Variants in SHISA6 observed in about 807,000 individuals in gnomAD.
The protein encoded by SHISA6 is protein shisa-6.
SHISA6 carries 22 observed loss-of-function variants against 47.9 expected under a neutral mutation model. That is an observed-to-expected ratio of 0.46 (90% CI 0.33 to 0.66). SHISA6 has a LOEUF of 0.66. Among genes scored for constraint, SHISA6 ranks in the 30% least tolerant of loss-of-function variants. The pLI is 0.02. For synonymous variants in SHISA6, 388 were observed against 337.8 expected (o/e 1.15, Z -1.63); for missense variants, 680 against 764.6 (o/e 0.89, Z 1.30).
intron 3 of SHISA6, among the ~76,000 whole-genome samples, chr17:11,451,118 C>T (rs1915389166): frequency 6.6e-6 from 1 of 151,996 alleles, no homozygotes; most frequent in South Asian, 2.1e-4. Flanking sequence ...GAAGCTGACC[C>T]TGCTGGTCAC....
chr17:11,514,185 A>G (rs1245472067), intron 3 of SHISA6, among the ~76,000 whole-genome samples: 1 of 152,150 alleles, frequency 6.6e-6, no homozygotes, highest in Non-Finnish European at 1.5e-5. Context: ...TTCCAGGCAG[A>G]ACACCATCTA....
intron 3 of SHISA6, among the ~76,000 whole-genome samples, chr17:11,415,207 C>G (rs1914248659): frequency 1.3e-5 from 2 of 152,140 alleles, no homozygotes; most frequent in Non-Finnish European, 2.9e-5. Context: ...TGTATGTGAT[C>G]TAATTTCATC....
intron 2 of SHISA6, among the ~76,000 whole-genome samples, chr17:11,367,070 C>G (rs1415435297): frequency 6.6e-6 from 1 of 152,116 alleles, no homozygotes; most frequent in African/African-American, 2.4e-5. Flanking sequence ...TGAGGACAAA[C>G]TGTGAGGCAA....
At chr17:11,507,350 G>A (rs936121512) in intron 3 of SHISA6, among the ~76,000 whole-genome samples, 1 of 152,110 alleles carries the variant, frequency 6.6e-6, no homozygotes, top group Non-Finnish European at 1.5e-5. Flanking sequence ...CCCCGATGAT[G>A]TATGGAGCAG....
intron 3 of SHISA6, among the ~76,000 whole-genome samples, chr17:11,490,205 A>G (rs996921934): frequency 6.6e-6 from 1 of 152,194 alleles, no homozygotes; most frequent in Admixed American, 6.5e-5. Flanking sequence ...GAGACCTTGT[A>G]GATGCATAGC....
At position 11,263,352 on chromosome 17, in the gene SHISA6, T is replaced by C; in HGVS notation, c.639-14T>C. On this transcript the variant is annotated splice_polypyrimidine_tract_variant and intron_variant, in intron 1 of 5. Transcript: ENST00000441885. Reference sequence around the variant, plus strand: ...GCTCAGTGAATCTCATTATGTGATCTCCTCCTTGTTTAGGGCTCTGGCTGA... The same window carrying C: ...GCTCAGTGAATCTCATTATGTGATCCCCTCCTTGTTTAGGGCTCTGGCTGA... 2 of 1,551,734 alleles carry C rather than the reference T, an allele frequency of 1.3e-6. No individual in the cohort carries two copies. The highest frequency in any genetic ancestry group is 1.7e-6 in the Non-Finnish European group (2 of 1,146,874).
At chr17:11,340,130 A>G (rs1597465519) in intron 2 of SHISA6, among the ~76,000 whole-genome samples, 1 of 152,222 alleles carries the variant, frequency 6.6e-6, no homozygotes, top group Admixed American at 6.5e-5. Flanking sequence ...CAGTGATCCT[A>G]TAAATATAAC....
intron 2 of SHISA6, among the ~76,000 whole-genome samples, chr17:11,349,368 C>G (rs1433468080): frequency 2.0e-5 from 3 of 152,188 alleles, no homozygotes; most frequent in African/African-American, 7.2e-5. Context: ...ACACCCCTCT[C>G]AGATTCTATG....
At chr17:11,246,729 G>T (rs79836900) in intron 1 of SHISA6, among the ~76,000 whole-genome samples, 1 of 152,144 alleles carries the variant, frequency 6.6e-6, no homozygotes, top group Non-Finnish European at 1.5e-5. Flanking sequence ...GCAGACACAC[G>T]CAGACATTCA....
chr17:11,445,995 T>C (rs1322485249), intron 3 of SHISA6, among the ~76,000 whole-genome samples: 3 of 152,120 alleles, frequency 2.0e-5, no homozygotes, highest in Non-Finnish European at 4.4e-5. Context: ...GCCCAGCTAA[T>C]TTTTGTATTT....
At chr17:11,383,042 A>G (rs1294431786) in intron 3 of SHISA6, among the ~76,000 whole-genome samples, 1 of 144,632 alleles carries the variant, frequency 6.9e-6, no homozygotes, top group Non-Finnish European at 1.5e-5. Context: ...GGTCCAAGCA[A>G]TTCTTCTGCC....
intron 2 of SHISA6, among the ~76,000 whole-genome samples, chr17:11,293,999 C>T (rs1909647669): frequency 6.6e-6 from 1 of 152,118 alleles, no homozygotes; most frequent in Admixed American, 6.6e-5. Context: ...GATTCTCCTG[C>T]CTCAGCCTCC....
intron 3 of SHISA6, among the ~76,000 whole-genome samples, chr17:11,405,809 GA>G (rs1913936480): frequency 6.6e-6 from 1 of 151,584 alleles, no homozygotes; most frequent in African/African-American, 2.4e-5. Context: ...AAAAAGAAAA[GA>G]AAAAAAATTG....
At chr17:11,244,160 G>A (rs1045035163) in intron 1 of SHISA6, among the ~76,000 whole-genome samples, 3 of 152,182 alleles carry the variant, frequency 2.0e-5, no homozygotes, top group Non-Finnish European at 4.4e-5. Flanking sequence ...CCACGGGAAG[G>A]GAGATGAATT....
chr17:11,541,387 AT>A (rs1266584399), intron 3 of SHISA6, among the ~76,000 whole-genome samples: 1 of 152,182 alleles, frequency 6.6e-6, no homozygotes, highest in Non-Finnish European at 1.5e-5. Flanking sequence ...TGGTCTTCAT[AT>A]GGAATCATGT....
chr17:11,430,066 T>G (rs1279137065), intron 3 of SHISA6, among the ~76,000 whole-genome samples: 1 of 152,128 alleles, frequency 6.6e-6, no homozygotes, highest in Non-Finnish European at 1.5e-5. Flanking sequence ...TCTCCTCACT[T>G]TTGAGATGAG....
At chr17:11,533,871 G>A (rs774561162) in intron 3 of SHISA6, among the ~76,000 whole-genome samples, 9 of 152,052 alleles carry the variant, frequency 5.9e-5, no homozygotes, top group African/African-American at 1.7e-4. Flanking sequence ...GATTACAGGC[G>A]TGAGCCACCG....
intron 3 of SHISA6, among the ~76,000 whole-genome samples, chr17:11,506,851 A>G (rs745538399): frequency 2.6e-5 from 4 of 152,212 alleles, no homozygotes; most frequent in Non-Finnish European, 5.9e-5. Flanking sequence ...CGTCGCCCCA[A>G]CTGACTCCCA....
At chr17:11,273,579 C>T (rs1460273704) in intron 2 of SHISA6, among the ~76,000 whole-genome samples, 3 of 152,232 alleles carry the variant, frequency 2.0e-5, no homozygotes, top group African/African-American at 7.2e-5. Context: ...TCCTACTTTT[C>T]GTGTGTCATA....
Sources: gnomAD v4.1 joint callset for allele counts (sites outside exome capture counted in the v4.1 genomes callset) on GRCh38, gnomAD v4.1.1 for gene constraint, MANE v1.5 for transcripts, NCBI Gene and HGNC (gene_info 2026-07-23, HGNC 2026-07-21) for gene names.